The following INTS2 variants were observed in gnomAD, a reference collection of about 807,000 sequenced individuals.
INTS2 encodes the protein integrator complex subunit 2.
INTS2 carries 57 observed loss-of-function variants against 139.6 expected under a neutral mutation model. The observed-to-expected ratio is 0.41, with a 90% confidence interval of 0.33 to 0.51. INTS2 has a LOEUF of 0.51. INTS2 is among the 20% of genes least tolerant of loss of function. The probability of loss-of-function intolerance (pLI) is 0.28; values close to 1 mark genes in which losing one functional copy is unlikely to be tolerated. For missense variants in INTS2, 1,196 were observed against 1,436.7 expected, an observed-to-expected ratio of 0.83 and a Z score of 2.71; for synonymous variants, 473 against 493.4, an observed-to-expected ratio of 0.96 and a Z score of 0.55.
At chr17:61,885,885 C>A (rs1163971937) in intron 15 of INTS2, among the ~76,000 whole-genome samples, 1 of 151,562 alleles carries the variant, frequency 6.6e-6, no homozygotes, top group Non-Finnish European at 1.5e-5. Flanking sequence ...CCCACCACCA[C>A]GCCCATCTAA....
intron 7 of INTS2, among the ~76,000 whole-genome samples, chr17:61,907,942 T>C (rs1357062326): frequency 6.6e-6 from 1 of 152,236 alleles, no homozygotes; most frequent in Non-Finnish European, 1.5e-5. Flanking sequence ...ATATGTGGTA[T>C]AGGAGAAAAT....
At chr17:61,889,698 C>A in intron 15 of INTS2, 88 bp downstream of exon 15, 1 of 635,148 alleles carries the variant, frequency 1.6e-6, no homozygotes, top group Non-Finnish European at 2.8e-6. Context: ...TAAAATATTG[C>A]CCTTATCAAA....
chr17:61,884,732 C>T (rs1457809679), intron 16 of INTS2, among the ~76,000 whole-genome samples, 169 bp downstream of exon 16: 5 of 152,044 alleles, frequency 3.3e-5, no homozygotes, highest in African/African-American at 1.2e-4. Flanking sequence ...AGGGGGCAGG[C>T]TGGTTTGCAA....
Position 61,866,040 on chromosome 17 carries a change from C to T in INTS2, c.*1517G>A, listed in dbSNP as rs1031046173. On this transcript the variant is annotated 3_prime_UTR_variant, in exon 25 of 25. Coordinates refer to ENST00000251334, the MANE Select transcript of INTS2 (RefSeq NM_001351695.2). ...GTTAAATTTCATTTCTCAAAAACTA[C>T]ACCTTCTTATTAGCCTAATTTCTTT... 5.3e-5 allele frequency: 8 copies of T among 152,320 alleles called. No individual in the cohort carries two copies. The highest frequency in any genetic ancestry group is 1.9e-4 in the African/African-American group (8 of 41,392). The allele number at this position is 152,320 out of a possible 1,614,324, so 9.4% of individuals were successfully genotyped here.
intron 9 of INTS2, among the ~76,000 whole-genome samples, chr17:61,903,514 C>G (rs2079429925): frequency 6.6e-6 from 1 of 151,924 alleles, no homozygotes; most frequent in Non-Finnish European, 1.5e-5. Context: ...AAGAAATCTC[C>G]TCAAGAAGAT....
Position 61,869,925 on chromosome 17 carries a change from C to G in INTS2, c.2842G>C (p.Gly948Arg). The G allele has an allele frequency of 6.2e-7, 1 of 1,613,660 alleles. No individual in the cohort carries two copies. Among genetic ancestry groups the G allele is most frequent in the South Asian group, 1.1e-5 (1 of 91,058 alleles). ...CTTAACAAGCTATCTGGATTGACAC[C>G]ATTTGCTTTCTCCTCTTCAGTAGGT... ...CLPTEEEKANGVNPDSLLRNV... is the reference protein window; with the variant it reads ...CLPTEEEKANRVNPDSLLRNV... The change falls in exon 21 of 25, where the codon GGT becomes CGT. Residue 948 changes from glycine (G) to arginine (R), a missense_variant. By Grantham distance (125) the Gly-to-Arg change is moderately radical. Around this residue, in one of 3 missense-constraint regions of INTS2, gnomAD observed 1,129 missense variants for 1,341.9 expected, o/e 0.84. Transcript: ENST00000251334. The surrounding 1 kb of genome is among the most constrained non-coding windows in gnomAD (Gnocchi z 5.4).
chr17:61,874,930 A>G lies in INTS2; in HGVS notation c.2565T>C (p.Cys855=). The G allele has an allele frequency of 6.3e-7, 1 of 1,592,556 alleles. No individual in the cohort carries two copies. The highest frequency in any genetic ancestry group is 2.3e-5 in the East Asian group (1 of 44,260). Residue 855 remains cysteine (C), a synonymous_variant, in exon 19 of 25, where the codon TGT becomes TGC. Transcript: ENST00000251334. ...ACATGTACCTGTGAACCCTCTGATC[A>G]CACCTTAGGACAATGAGAGGATCTA... ...LMIDPLIVLR[C]DQRVHRCPPL... is the part of the protein sequence containing the mutation.
At chr17:61,877,736 T>A (rs2079138052) in intron 18 of INTS2, 151 bp downstream of exon 18, 1 of 598,482 alleles carries the variant, frequency 1.7e-6, no homozygotes, top group African/African-American at 1.9e-5. Flanking sequence ...TAACAACTAT[T>A]TAGTAGTCTT....
chr17:61,887,482 C>CAAA (rs1240524678), intron 15 of INTS2, among the ~76,000 whole-genome samples: 1 of 50,546 alleles, frequency 2.0e-5, no homozygotes, highest in African/African-American at 6.9e-5. Context: ...GACTCTGTCT[C>CAAA]AAAAAAAAAA....
At chr17:61,926,728 A>C (rs778649561) in intron 1 of INTS2, 66 bp from the exon 2 acceptor site, 1 of 1,264,618 alleles carries the variant, frequency 7.9e-7, no homozygotes, top group South Asian at 1.3e-5. Context: ...CCAACTTTCT[A>C]AAAACCCTGA....
At chr17:61,877,368 G>C (rs1346434229) in intron 18 of INTS2, among the ~76,000 whole-genome samples, 1 of 152,164 alleles carries the variant, frequency 6.6e-6, no homozygotes, top group Non-Finnish European at 1.5e-5. Context: ...ACCTGTCCAG[G>C]TGTTAAGGAT....
intron 8 of INTS2, among the ~76,000 whole-genome samples, chr17:61,905,606 G>A (rs1003244558): frequency 4.6e-5 from 7 of 152,244 alleles, no homozygotes; most frequent in South Asian, 2.1e-4. Flanking sequence ...GATTATGGGC[G>A]TGAGCCACTG....
intron 3 of INTS2, among the ~76,000 whole-genome samples, chr17:61,923,813 T>G (rs1047259587): frequency 6.6e-6 from 1 of 152,020 alleles, no homozygotes; most frequent in Non-Finnish European, 1.5e-5. Context: ...CCACCACTCC[T>G]GGCTAATTTT....
chr17:61,920,823 C>T (rs1195780187), intron 4 of INTS2, among the ~76,000 whole-genome samples: 1 of 152,036 alleles, frequency 6.6e-6, no homozygotes, highest in African/African-American at 2.4e-5. Flanking sequence ...GACAAGGTCT[C>T]ACTCTGGACA....
chr17:61,910,019 T>C (rs1288242284), intron 7 of INTS2: 1 of 152,204 alleles, frequency 6.6e-6, no homozygotes, highest in Admixed American at 6.6e-5. Flanking sequence ...CTGGACAGAA[T>C]GGCAGTTCTA....
At chr17:61,889,759 A>G in intron 15 of INTS2, 27 bp downstream of exon 15, 6 of 1,150,070 alleles carry the variant, frequency 5.2e-6, no homozygotes, top group Non-Finnish European at 7.7e-6. Context: ...AACTACCACT[A>G]GAACCACTCC....
chr17:61,911,795 C>A (rs1281344453), intron 6 of INTS2, 102 bp from the exon 7 acceptor site: 13 of 1,436,914 alleles, frequency 9.0e-6, no homozygotes, highest in East Asian at 4.6e-5. Flanking sequence ...AGAACTCCTA[C>A]AAAACATAAA....
intron 16 of INTS2, among the ~76,000 whole-genome samples, chr17:61,883,811 A>T (rs146140547): frequency 9.9e-5 from 15 of 151,834 alleles, no homozygotes; most frequent in African/African-American, 3.1e-4. Context: ...AAAAACACCC[A>T]CACTCAAACA....
chr17:61,869,074 C>T lies in INTS2; in HGVS notation c.3204G>A (p.Val1068=). 2 of 1,612,712 alleles carry T rather than the reference C, an allele frequency of 1.2e-6. No individual in the cohort carries two copies. Among genetic ancestry groups the T allele is most frequent in the South Asian group, 2.2e-5 (2 of 90,994 alleles). The change falls in exon 23 of 25, where the codon GTG becomes GTA. Residue 1068 remains valine (V), a synonymous_variant. Transcript: ENST00000251334. The surrounding 1 kb of genome is among the most constrained non-coding windows in gnomAD (Gnocchi z 5.4). The part of the protein sequence containing the change: ...IQYALPKSLS[V]ARLAVNVMGT... ...CCATGACATTGACAGCTAAACGAGC[C>T]ACACTAAGTGACTTTGGTAATGCAT...
Sources: allele counts gnomAD v4.1 joint callset (sites outside exome capture counted in the v4.1 genomes callset), GRCh38; gene constraint gnomAD v4.1.1; regional missense constraint gnomAD v4.1.1; non-coding constraint Gnocchi (gnomAD v3.1); transcripts MANE v1.5; gene names NCBI Gene and HGNC (gene_info 2026-07-23, HGNC 2026-07-21).